FHIT: variants seen among roughly 807,000 people sequenced by gnomAD.
FHIT encodes fragile histidine triad diadenosine triphosphatase.
Under a neutral mutation model 17.9 loss-of-function variants are expected in FHIT, and 19 were observed. The observed-to-expected ratio is 1.06, with a 90% CI of 0.74 to 1.56. The LOEUF is 1.56. Ranked by LOEUF, FHIT falls within the 40% of genes most tolerant of loss-of-function variation. The pLI, the probability that FHIT is intolerant of heterozygous loss-of-function variation, is 0.00. For missense variants in FHIT, 248 were observed against 189.2 expected (o/e 1.31, Z -1.82); for synonymous variants, 81 against 69.7 (o/e 1.16, Z -0.81).
At chr3:61,000,993 T>C (rs1400645511) in intron 3 of FHIT, among the ~76,000 whole-genome samples, 2 of 147,310 alleles carry the variant, frequency 1.4e-5, no homozygotes, top group Admixed American at 1.3e-4. Context: ...AGTTAGAAAA[T>C]GGGCAGAAAA....
At position 60,921,938 on chromosome 3, in the gene FHIT, A is replaced by C. The variant is rs537318904; in HGVS notation, c.-110-99927T>G. On this transcript the variant is annotated intron_variant, in intron 3 of 9. Coordinates refer to ENST00000492590, the MANE Select transcript of FHIT (RefSeq NM_002012.4). The stretch of plus-strand genomic sequence containing the variant: ...TAATGTAGTCGGCCAGGCTCTGCCC[A>C]CAGTAGAAAGCATGAGAAAATAAAT... 4.6e-5 allele frequency among the ~76,000 whole-genome samples: 7 copies of C among 152,344 alleles called. No individual in the cohort carries two copies. In the South Asian group the frequency reaches 1.4e-3, roughly 32 times the overall value.
chr3:59,757,646 A>G (rs914517620), intron 8 of FHIT, among the ~76,000 whole-genome samples: 2 of 152,184 alleles, frequency 1.3e-5, no homozygotes, highest in Non-Finnish European at 2.9e-5. Flanking sequence ...CAAACGGGGG[A>G]AAACTACTTT....
chr3:60,947,215 T>C (rs1708678876), intron 3 of FHIT, among the ~76,000 whole-genome samples: 1 of 152,198 alleles, frequency 6.6e-6, no homozygotes, highest in Admixed American at 6.5e-5. Context: ...AAATTCATTT[T>C]AATTTATTTC....
At chr3:61,032,801 T>C (rs1377007088) in intron 3 of FHIT, among the ~76,000 whole-genome samples, 1 of 152,196 alleles carries the variant, frequency 6.6e-6, no homozygotes, top group East Asian at 1.9e-4. Flanking sequence ...TTGTGAGGGA[T>C]TGGCCCATGC....
At chr3:60,109,965 C>G (rs17062284) in intron 5 of FHIT, among the ~76,000 whole-genome samples, 14,799 of 152,140 alleles carry the variant, frequency 0.097, 1,395 homozygotes, top group East Asian at 0.43. Context: ...ACTTGCTTCT[C>G]AAAAAACTAC....
At chr3:60,396,290 C>T (rs7646666) in intron 5 of FHIT, among the ~76,000 whole-genome samples, 30,077 of 152,124 alleles carry the variant, frequency 0.2, 3,679 homozygotes, top group East Asian at 0.47. Context: ...GTATGTTCTC[C>T]GTCACTCACA....
intron 5 of FHIT, among the ~76,000 whole-genome samples, chr3:60,018,762 GA>G (rs1700441742): frequency 6.6e-6 from 1 of 152,172 alleles, no homozygotes; most frequent in South Asian, 2.1e-4. Flanking sequence ...CGAATCACCT[GA>G]GGTCAGCAGT....
At chr3:60,232,030 A>G (rs1704521949) in intron 5 of FHIT, among the ~76,000 whole-genome samples, 3 of 152,300 alleles carry the variant, frequency 2.0e-5, no homozygotes, top group Middle Eastern at 3.4e-3. Flanking sequence ...ATACATGCCA[A>G]TAACAGATGT....
At chr3:59,962,262 A>G (rs571223890) in intron 7 of FHIT, among the ~76,000 whole-genome samples, 6 of 152,328 alleles carry the variant, frequency 3.9e-5, no homozygotes, top group African/African-American at 1.4e-4. Context: ...TTTTTGAGCA[A>G]AAGTGCTGTC....
At chr3:60,402,064 G>T (rs555857014) in intron 5 of FHIT, among the ~76,000 whole-genome samples, 12 of 152,200 alleles carry the variant, frequency 7.9e-5, no homozygotes, top group African/African-American at 2.9e-4. Context: ...GTCTTATTAA[G>T]GGGCTATTGT....
chr3:60,240,386 C>T (rs948422141), intron 5 of FHIT, among the ~76,000 whole-genome samples: 1 of 152,148 alleles, frequency 6.6e-6, no homozygotes, highest in African/African-American at 2.4e-5. Context: ...TAACAAAACC[C>T]TTAAATTTCC....
At chr3:59,902,836 G>T (rs1277929577) in intron 8 of FHIT, among the ~76,000 whole-genome samples, 1 of 152,218 alleles carries the variant, frequency 6.6e-6, no homozygotes, top group Non-Finnish European at 1.5e-5. Context: ...CAAACTTTCA[G>T]TTATAAGATA....
At chr3:60,872,335 G>A (rs1475183990) in intron 3 of FHIT, among the ~76,000 whole-genome samples, 1 of 152,112 alleles carries the variant, frequency 6.6e-6, no homozygotes, top group Non-Finnish European at 1.5e-5. Context: ...CCAGCTCAGG[G>A]CTCTATAATC....
intron 5 of FHIT, among the ~76,000 whole-genome samples, chr3:60,298,924 AC>A (rs1194613998): frequency 6.6e-6 from 1 of 151,980 alleles, no homozygotes; most frequent in African/African-American, 2.4e-5. Context: ...CAGGGACAGG[AC>A]CCCCTCAGAT....
intron 3 of FHIT, among the ~76,000 whole-genome samples, chr3:61,028,889 C>CAA (rs79300754): frequency 2.1e-3 from 245 of 116,738 alleles, no homozygotes; most frequent in African/African-American, 7.5e-3. Context: ...CCCCCACCAA[C>CAA]AAAAAAAAAA....
chr3:60,050,497 T>C (rs1701827922), intron 5 of FHIT, among the ~76,000 whole-genome samples: 1 of 152,142 alleles, frequency 6.6e-6, no homozygotes, highest in Non-Finnish European at 1.5e-5. Flanking sequence ...TTTGAGAATC[T>C]GAACAAAACT....
At chr3:61,171,443 C>T (rs901659995) in intron 2 of FHIT, among the ~76,000 whole-genome samples, 2 of 152,118 alleles carry the variant, frequency 1.3e-5, no homozygotes, top group African/African-American at 4.8e-5. Flanking sequence ...TGCAGAAGCT[C>T]TTTCATTATC....
rs72875006 is a variant in FHIT, at chr3:60,305,720, T to G, written c.103+231140A>C. On this transcript the variant is annotated intron_variant, in intron 5 of 9. Transcript: ENST00000492590. ...ACCATTAACAGTAAGTAATGGTGCT[T>G]TTACATTCTCAGAATGCAGTGCAAT... Among the ~76,000 whole-genome samples, 1,258 of 152,236 alleles carry G rather than the reference T, an allele frequency of 8.3e-3. 19 individuals are homozygous for G. The highest frequency in any genetic ancestry group is 0.029 in the African/African-American group (1,190 of 41,546).
chr3:59,835,345 C>T (rs17362486), intron 8 of FHIT, among the ~76,000 whole-genome samples: 12,022 of 152,162 alleles, frequency 0.079, 715 homozygotes, highest in Admixed American at 0.12. Context: ...TACCCTTTCC[C>T]GCCTATTATG....
Sources: gnomAD v4.1 joint callset for allele counts (sites outside exome capture counted in the v4.1 genomes callset) on GRCh38, gnomAD v4.1.1 for gene constraint, MANE v1.5 for transcripts, NCBI Gene and HGNC (gene_info 2026-07-23, HGNC 2026-07-21) for gene names.